Variants in SEC24C observed in about 807,000 individuals in gnomAD.
The protein encoded by SEC24C is protein transport protein Sec24C.
SEC24C carries 22 observed loss-of-function variants against 117.0 expected under a neutral mutation model. The observed-to-expected ratio is 0.19, with a 90% CI of 0.13 to 0.27. The LOEUF is 0.27. Among genes scored for constraint, SEC24C ranks in the 10% least tolerant of loss-of-function variants. The pLI is 1.00. For missense variants in SEC24C, 1,155 were observed against 1,375.1 expected, an observed-to-expected ratio of 0.84 and a Z score of 2.53; for synonymous variants, 506 against 529.4, an observed-to-expected ratio of 0.96 and a Z score of 0.61.
chr10:73,753,827 T>A (rs1023793330), intron 3 of SEC24C, among the ~76,000 whole-genome samples: 1 of 152,218 alleles, frequency 6.6e-6, no homozygotes, highest in Non-Finnish European at 1.5e-5. Context: ...CCAAAGAATT[T>A]CCCACAGTTT....
chr10:73,767,806 A>G (rs1334101424), intron 14 of SEC24C, 31 bp from the exon 15 acceptor site: 3 of 1,552,724 alleles, frequency 1.9e-6, no homozygotes, highest in South Asian at 1.2e-5. Flanking sequence ...ATATTTGAAC[A>G]TTTTCTTCTC....
chr10:73,762,019 G>C (rs1410238130), intron 6 of SEC24C: 5 of 989,858 alleles, frequency 5.1e-6, no homozygotes, highest in Non-Finnish European at 7.0e-6. Context: ...ACAGGGTTGA[G>C]AGAAGTAACA....
At chr10:73,746,284 C>T (rs1425774964) in intron 1 of SEC24C, among the ~76,000 whole-genome samples, 1 of 151,858 alleles carries the variant, frequency 6.6e-6, no homozygotes, top group Admixed American at 6.6e-5. Flanking sequence ...TTCTGTAACT[C>T]AGCCTAAATT....
intron 6 of SEC24C, 32 bp downstream of exon 6, chr10:73,760,881 G>C: frequency 1.3e-6 from 2 of 1,567,708 alleles, no homozygotes; most frequent in Non-Finnish European, 1.7e-6. Flanking sequence ...CCTGAGGAAG[G>C]GTTTGTGTCT....
In SEC24C at chr10:73,770,445, T is replaced by G; in HGVS notation, c.3028T>G (p.Ser1010Ala). ...TGTCCAGAGCCTTTTCAGCGTCTCC[T>G]CCTTCAGTCAGATCACCAGTGGTTT... The part of the protein sequence containing the change: ...GVVQSLFSVS[S>A]FSQITSGLSV... Residue 1010 changes from serine to alanine, a missense_variant, in exon 21 of 23, where the codon TCC becomes GCC. Physicochemically the swap from Ser to Ala is moderately conservative, Grantham distance 99. This residue lies in a region of SEC24C where 759 missense variants were observed against 992.3 expected (regional missense o/e 0.76). Transcript: ENST00000345254. 6.2e-7 allele frequency: 1 copy of G among 1,614,014 alleles called. No homozygotes were observed. The highest frequency in any genetic ancestry group is 1.3e-5 in the African/African-American group (1 of 74,996).
At chr10:73,758,480 C>G (rs1298003641) in intron 3 of SEC24C, among the ~76,000 whole-genome samples, 4 of 152,112 alleles carry the variant, frequency 2.6e-5, no homozygotes, top group Non-Finnish European at 5.9e-5. Context: ...TGACAGATAT[C>G]ACTACAGTCA....
chr10:73,759,596 C>T (rs763929421), intron 3 of SEC24C, 26 bp from the exon 4 acceptor site: 4 of 1,480,322 alleles, frequency 2.7e-6, no homozygotes, highest in South Asian at 2.9e-5. Context: ...CCCCACTAGT[C>T]ACCTCTGCTT....
intron 2 of SEC24C, among the ~76,000 whole-genome samples, chr10:73,750,327 A>C (rs2082625604): frequency 6.6e-6 from 1 of 152,258 alleles, no homozygotes; most frequent in South Asian, 2.1e-4. Flanking sequence ...AACAGAGGTC[A>C]TCCACATTTC....
Position 73,768,681 on chromosome 10 carries a change from C to G in SEC24C, c.2182-129C>G, listed in dbSNP as rs1565048682. On this transcript the variant is annotated intron_variant, in intron 15 of 22. Coordinates refer to ENST00000345254, the MANE Select transcript of SEC24C (RefSeq NM_198597.3). ...GTTTAAAAGCTATTATTGTCATCATCATTATCATCCTCACTGTTATGATGA... is the reference window on the plus strand; with the variant it reads ...GTTTAAAAGCTATTATTGTCATCATGATTATCATCCTCACTGTTATGATGA... The G allele has an allele frequency of 5.0e-6, 4 of 806,414 alleles. No individual in the cohort carries two copies. The Admixed American group carries it at 8.3e-5, about 17-fold the overall frequency. The allele number at this position is 806,414 out of a possible 1,614,324, so 50.0% of individuals were successfully genotyped here.
chr10:73,757,820 G>C (rs964136108), intron 3 of SEC24C, among the ~76,000 whole-genome samples: 3 of 147,818 alleles, frequency 2.0e-5, no homozygotes, highest in African/African-American at 7.4e-5. Flanking sequence ...GGGAGGCTTA[G>C]GGGGAGGATT....
intron 3 of SEC24C, among the ~76,000 whole-genome samples, chr10:73,752,433 G>T (rs1313031275): frequency 6.6e-6 from 1 of 152,102 alleles, no homozygotes; most frequent in Admixed American, 6.6e-5. Context: ...CAGGAGTGTT[G>T]TTTGTGTTTG....
chr10:73,765,412 T>C (rs2082867144), intron 8 of SEC24C, 39 bp from the exon 9 acceptor site: 1 of 1,590,452 alleles, frequency 6.3e-7, no homozygotes, highest in South Asian at 1.1e-5. Flanking sequence ...CCTACTGTGG[T>C]TTTCCTTTAT....
intron 2 of SEC24C, 67 bp downstream of exon 2, chr10:73,747,071 T>G: frequency 6.8e-7 from 1 of 1,462,150 alleles, no homozygotes; most frequent in Non-Finnish European, 9.3e-7. Flanking sequence ...GGTTGGGTTG[T>G]ATTGCTCTAG....
rs768350709 is a variant in SEC24C at position 73,763,853 on chromosome 10, C to T, written c.1100-3C>T. ...GACTCGGGTCTTCTGCCTCCTTCTTCAGGGAATGCAAGTCCCCGATACATC... is the reference window on the plus strand; with the variant it reads ...GACTCGGGTCTTCTGCCTCCTTCTTTAGGGAATGCAAGTCCCCGATACATC... On this transcript the variant is annotated splice_region_variant and splice_polypyrimidine_tract_variant and intron_variant, in intron 7 of 22. Coordinates refer to ENST00000345254, the MANE Select transcript of SEC24C (RefSeq NM_198597.3). 8 of 1,612,944 alleles carry T rather than the reference C, an allele frequency of 5.0e-6. No individual in the cohort carries two copies. The East Asian group carries it at 8.9e-5, about 18-fold the overall frequency.
rs190802824 is a variant in SEC24C at position 73,770,151 on chromosome 10, G to A, written c.2863-129G>A. 1.8e-5 allele frequency: 22 copies of A among 1,250,202 alleles called. No homozygotes were observed. The African/African-American group carries it at 1.8e-4, about 10-fold the overall frequency. The allele number at this position is 1,250,202 out of a possible 1,614,324, so 77.4% of individuals were successfully genotyped here. A position where few individuals can be genotyped will look rare whatever the true frequency, so the allele number is the denominator to read the frequency against. ...TTTTAGCTGATGTAATTTTCACACT[G>A]AGAGAGTTACTGAGACCCCAGAAGG... On this transcript the variant is annotated intron_variant, in intron 20 of 22. Coordinates refer to ENST00000345254, the MANE Select transcript of SEC24C (RefSeq NM_198597.3).
intron 7 of SEC24C, 65 bp downstream of exon 7, chr10:73,763,666 G>GATTTTTTTTTTTTT: frequency 4.7e-6 from 1 of 212,428 alleles, no homozygotes; most frequent in Non-Finnish European, 8.4e-6. Context: ...TATGGTTGGG[G>GATTTTTTTTTTTTT]CTTTTTTTTT....
At chr10:73,749,121 C>G (rs2132520615) in intron 2 of SEC24C, among the ~76,000 whole-genome samples, 1 of 152,320 alleles carries the variant, frequency 6.6e-6, no homozygotes, top group Admixed American at 6.5e-5. Context: ...GGTTCACTGA[C>G]TGTTCACTTC....
At chr10:73,748,927 G>C (rs760739644) in intron 2 of SEC24C, among the ~76,000 whole-genome samples, 3 of 151,790 alleles carry the variant, frequency 2.0e-5, no homozygotes, top group Non-Finnish European at 2.9e-5. Flanking sequence ...ATTTTTAGTA[G>C]AGATGGGATT....
intron 6 of SEC24C, chr10:73,762,271 C>G (rs1464537824): frequency 5.4e-6 from 4 of 737,370 alleles, no homozygotes; most frequent in Non-Finnish European, 8.2e-6. Context: ...CATTCCTCCC[C>G]ATTCTCTTCC....
Sources: allele counts gnomAD v4.1 joint callset (sites outside exome capture counted in the v4.1 genomes callset), GRCh38; gene constraint gnomAD v4.1.1; regional missense constraint gnomAD v4.1.1; transcripts MANE v1.5; gene names NCBI Gene and HGNC (gene_info 2026-07-23, HGNC 2026-07-21).